AMOT: variants seen among roughly 807,000 people sequenced by gnomAD.
AMOT encodes the protein angiomotin.
Under a neutral mutation model 67.0 loss-of-function variants are expected in AMOT, and 11 were observed. That is an observed-to-expected ratio of 0.16 (90% CI 0.10 to 0.27). The LOEUF (loss-of-function observed/expected upper bound fraction) is 0.27, where lower values mean the gene tolerates loss of function less well. Among genes scored for constraint, AMOT ranks in the 10% least tolerant of loss-of-function variants. The pLI, the probability that AMOT is intolerant of heterozygous loss-of-function variation, is 1.00. For missense variants in AMOT, 753 were observed against 852.0 expected, an observed-to-expected ratio of 0.88 and a Z score of 1.45; for synonymous variants, 326 against 321.4, an observed-to-expected ratio of 1.01 and a Z score of -0.15.
chrX:112,839,877 G>A (rs904810366), intron 1 of AMOT, among the ~76,000 whole-genome samples: 8 of 110,515 alleles, frequency 7.2e-5, no homozygotes, highest in Non-Finnish European at 1.3e-4. Context: ...AAGCAGATAG[G>A]GGCAACTCCC....
At chrX:112,787,300 A>G (rs1182603893) in intron 10 of AMOT, among the ~76,000 whole-genome samples, 2 of 111,712 alleles carry the variant, frequency 1.8e-5, no homozygotes, top group East Asian at 5.6e-4. Context: ...CCCAATATGC[A>G]TATATCCAAA....
chrX:112,812,606 T>C (rs1180303145), intron 5 of AMOT, among the ~76,000 whole-genome samples: 3 of 112,103 alleles, frequency 2.7e-5, no homozygotes, highest in African/African-American at 9.7e-5. Flanking sequence ...GCACATATAA[T>C]AGCCACACAG....
At position 112,781,009 on chromosome X, in the gene AMOT, G is replaced by A. The variant is rs1933143213; in HGVS notation, c.2350C>T (p.Pro784Ser). Residue 784 changes from proline (P) to serine (S), a missense_variant, in exon 12 of 14, where the codon CCA becomes TCA. Coordinates refer to ENST00000371959, the MANE Select transcript of AMOT (RefSeq NM_001113490.2). ...SKTEQLSCMR[P>S]AKSLMSISNA... ...GAAATGGACATCAGAGACTTCGCTG[G>A]CCGCATGCACGACAGCTGCTCTGTC... is the stretch of plus-strand genomic sequence containing the variant. The A allele has an allele frequency of 1.7e-6, 2 of 1,211,971 alleles. No homozygotes were observed. The highest frequency in any genetic ancestry group is 5.9e-5 in the East Asian group (2 of 33,838).
At chrX:112,831,549 GA>G (rs905029413) in intron 2 of AMOT, among the ~76,000 whole-genome samples, 1 of 110,324 alleles carries the variant, frequency 9.1e-6, no homozygotes, top group African/African-American at 3.3e-5. Flanking sequence ...AATTCAACGG[GA>G]AAACAGAGGT....
chrX:112,813,681 G>A (rs1021531223), intron 5 of AMOT, among the ~76,000 whole-genome samples: 4 of 111,339 alleles, frequency 3.6e-5, no homozygotes, highest in African/African-American at 9.8e-5. Flanking sequence ...AAAAGGGCCC[G>A]TATTAGAGCT....
chrX:112,791,791 T>A, intron 9 of AMOT, 41 bp downstream of exon 9: 1 of 1,197,449 alleles, frequency 8.4e-7, no homozygotes, highest in Non-Finnish European at 1.1e-6. Context: ...AATGTCATTT[T>A]CTTACTTTTT....
intron 5 of AMOT, among the ~76,000 whole-genome samples, chrX:112,813,461 C>G (rs1419323595): frequency 1.8e-5 from 2 of 111,617 alleles, no homozygotes; most frequent in African/African-American, 6.5e-5. Context: ...TTTCCTTTTC[C>G]TCTCCTGGTC....
In AMOT at chrX:112,783,727, C is replaced by T. The variant is rs1396522761; in HGVS notation, c.2118-1065G>A. On this transcript the variant is annotated intron_variant, in intron 10 of 13. Coordinates refer to ENST00000371959, the MANE Select transcript of AMOT (RefSeq NM_001113490.2). Reference sequence around the variant, plus strand: ...TGTGTGTGTGTGTGTGTGTGGTGGGCGGGTGAGGGAGGTTATTAGGATTAG... The same window carrying T: ...TGTGTGTGTGTGTGTGTGTGGTGGGTGGGTGAGGGAGGTTATTAGGATTAG... Among the ~76,000 whole-genome samples, 6 of 100,949 alleles carry T rather than the reference C, an allele frequency of 5.9e-5. No individual in the cohort carries two copies. In the East Asian group the frequency reaches 1.5e-3, roughly 25 times the overall value. The allele number at this position is 100,949 out of a possible 115,157, so 87.7% of individuals were successfully genotyped here.
chrX:112,832,624 T>A (rs755319071), intron 1 of AMOT, among the ~76,000 whole-genome samples: 1 of 111,933 alleles, frequency 8.9e-6, no homozygotes, highest in Non-Finnish European at 1.9e-5. Context: ...GAAAGCAAAC[T>A]CCTGAAACAC....
At chrX:112,838,389 G>A (rs1233975895) in intron 1 of AMOT, among the ~76,000 whole-genome samples, 2 of 112,138 alleles carry the variant, frequency 1.8e-5, no homozygotes, top group South Asian at 3.7e-4. Flanking sequence ...TAAAGAAGGC[G>A]CAGGCCCTGG....
At chrX:112,809,223 G>A (rs1255159166) in intron 7 of AMOT, among the ~76,000 whole-genome samples, 2 of 111,939 alleles carry the variant, frequency 1.8e-5, no homozygotes. Flanking sequence ...TTTTATTGCT[G>A]GTTTTATTAA....
intron 1 of AMOT, among the ~76,000 whole-genome samples, chrX:112,834,502 T>G (rs1460973010): frequency 8.9e-6 from 1 of 111,849 alleles, no homozygotes; most frequent in Admixed American, 9.5e-5. Context: ...CTCCACCAAA[T>G]CCACCCTTTC....
At chrX:112,780,564 G>A in intron 12 of AMOT, 1 of 306,950 alleles carries the variant, frequency 3.3e-6, no homozygotes, top group Non-Finnish European at 5.7e-6. Context: ...TTTGGAGAAA[G>A]ATAAAGGTGC....
rs1266317896 is a variant in AMOT, at chrX:112,840,631, G to GT, written c.-469_-468insA. 1 of 113,380 alleles carries GT rather than the reference G, an allele frequency of 8.8e-6. No homozygotes were observed. Among genetic ancestry groups the GT allele is most frequent in the African/African-American group, 3.2e-5 (1 of 31,196 alleles). 9.3% of individuals were successfully genotyped at this position (113,380 alleles called of 1,213,427 possible). On this transcript the variant is annotated 5_prime_UTR_variant, in exon 1 of 14. Coordinates refer to ENST00000371959, the MANE Select transcript of AMOT (RefSeq NM_001113490.2). ...AGGCAGGATACCGGGCCAGAGGGTG[G>GT]AGCAGCGGATAGCCGGAGGCGAGAC...
chrX:112,804,222 T>C (rs1378400590), intron 8 of AMOT, among the ~76,000 whole-genome samples: 1 of 111,407 alleles, frequency 9.0e-6, no homozygotes, highest in African/African-American at 3.3e-5. Context: ...AAATGACAAG[T>C]CCATTCCTCC....
chrX:112,829,805 T>C (rs1337227556), intron 2 of AMOT, among the ~76,000 whole-genome samples: 1 of 111,586 alleles, frequency 9.0e-6, no homozygotes, highest in African/African-American at 3.3e-5. Flanking sequence ...TGATCAACCC[T>C]GAAGTGGATG....
chrX:112,835,730 TGC>T (rs1935115612), intron 1 of AMOT, among the ~76,000 whole-genome samples: 1 of 111,154 alleles, frequency 9.0e-6, no homozygotes, highest in East Asian at 2.8e-4. Context: ...ATTACAGGCA[TGC>T]GCCACCATAC....
intron 1 of AMOT, among the ~76,000 whole-genome samples, chrX:112,836,124 C>T (rs1388407792): frequency 8.9e-6 from 1 of 111,969 alleles, no homozygotes; most frequent in African/African-American, 3.3e-5. Flanking sequence ...TATATTTGTG[C>T]TTTCCTGCTT....
rs191533590 is a variant in AMOT, at chrX:112,775,672, G to A, written c.*2895C>T. 2.1e-3 allele frequency: 239 copies of A among 112,351 alleles called. 1 individual carries two copies. The highest frequency in any genetic ancestry group is 7.6e-3 in the African/African-American group (235 of 30,895). The allele number at this position is 112,351 out of a possible 1,213,427, so 9.3% of individuals were successfully genotyped here. ...TACATGATTTTAAAAGAAAGCTCAA[G>A]CTACTTTTTATTTCAAAAAAAGACT... On this transcript the variant is annotated 3_prime_UTR_variant, in exon 14 of 14. Coordinates refer to ENST00000371959, the MANE Select transcript of AMOT (RefSeq NM_001113490.2).
Sources: gnomAD v4.1 joint callset for allele counts (sites outside exome capture counted in the v4.1 genomes callset) on GRCh38, gnomAD v4.1.1 for gene constraint, MANE v1.5 for transcripts, NCBI Gene and HGNC (gene_info 2026-07-23, HGNC 2026-07-21) for gene names.